Variants in TTC39C observed in about 807,000 individuals in gnomAD.
The protein encoded by TTC39C is tetratricopeptide repeat protein 39C.
In TTC39C, 33 loss-of-function variants were observed where a neutral mutation model predicts 76.3. The observed-to-expected ratio is 0.43, with a 90% CI of 0.33 to 0.58. The LOEUF is 0.58. Ranked by LOEUF, TTC39C falls within the 20% of genes least tolerant of loss-of-function variation. The pLI, the probability that TTC39C is intolerant of heterozygous loss-of-function variation, is 0.04. For synonymous variants in TTC39C, 254 were observed against 260.6 expected (o/e 0.97, Z 0.24); for missense variants, 595 against 701.4 (o/e 0.85, Z 1.71).
At chr18:23,995,829 C>T (rs142453881) in intron 1 of TTC39C, among the ~76,000 whole-genome samples, 343 of 152,256 alleles carry the variant, frequency 2.3e-3, no homozygotes, top group African/African-American at 7.9e-3. Context: ...ACAGTCACAC[C>T]ACTGCACTCA....
chr18:24,119,323 G>A (rs1328349000), intron 8 of TTC39C, among the ~76,000 whole-genome samples: 1 of 152,192 alleles, frequency 6.6e-6, no homozygotes, highest in Non-Finnish European at 1.5e-5. Flanking sequence ...TTTGTGTAAT[G>A]AACTCTCCTC....
At chr18:24,035,280 C>T (rs1159220291) in intron 1 of TTC39C, among the ~76,000 whole-genome samples, 3 of 152,150 alleles carry the variant, frequency 2.0e-5, no homozygotes, top group Non-Finnish European at 4.4e-5. Flanking sequence ...TCAAGGGATC[C>T]TCCCACCTTG....
intron 4 of TTC39C, among the ~76,000 whole-genome samples, chr18:24,080,091 C>T (rs545937118): frequency 4.6e-5 from 7 of 152,216 alleles, no homozygotes; most frequent in South Asian, 4.1e-4. Flanking sequence ...CATGAGCCAC[C>T]GCACCCAACC....
At chr18:24,045,889 G>GAAAAAAAAAAAAA (rs1193600114) in intron 1 of TTC39C, among the ~76,000 whole-genome samples, 24 of 56,344 alleles carry the variant, frequency 4.3e-4, no homozygotes, top group African/African-American at 1.6e-3. Flanking sequence ...TTCCTTCTGT[G>GAAAAAAAAAAAAA]AAAATATATA....
intron 4 of TTC39C, among the ~76,000 whole-genome samples, chr18:24,075,684 CA>C (rs371486318): frequency 0.025 from 1,599 of 64,184 alleles, 15 homozygotes; most frequent in African/African-American, 0.06. Flanking sequence ...GACCTTGTCT[CA>C]AAAAAAAAAA....
At chr18:24,110,230 T>G (rs1015379215) in intron 6 of TTC39C, among the ~76,000 whole-genome samples, 2 of 152,182 alleles carry the variant, frequency 1.3e-5, no homozygotes, top group African/African-American at 4.8e-5. Flanking sequence ...CAATCCAGAT[T>G]AAAAAGAAAA....
intron 1 of TTC39C, among the ~76,000 whole-genome samples, chr18:24,044,917 A>T (rs1447429097): frequency 6.6e-6 from 1 of 152,108 alleles, no homozygotes; most frequent in African/African-American, 2.4e-5. Flanking sequence ...AGACCTTGCT[A>T]GTCTAAGTGT....
chr18:24,026,608 A>C (rs1304945497), intron 1 of TTC39C, among the ~76,000 whole-genome samples: 1 of 152,174 alleles, frequency 6.6e-6, no homozygotes, highest in African/African-American at 2.4e-5. Context: ...ATGTTAGCTC[A>C]GCCTGTTTTA....
chr18:24,069,646 G>A (rs1027662645), intron 4 of TTC39C, among the ~76,000 whole-genome samples: 3 of 152,164 alleles, frequency 2.0e-5, no homozygotes, highest in Non-Finnish European at 4.4e-5. Flanking sequence ...TGTTATTAAG[G>A]CCTGAGTGGC....
intron 1 of TTC39C, among the ~76,000 whole-genome samples, chr18:24,045,790 A>G (rs2083861371): frequency 6.6e-6 from 1 of 151,090 alleles, no homozygotes; most frequent in African/African-American, 2.4e-5. Flanking sequence ...ATAAATGCTT[A>G]TTCATTGATA....
At chr18:24,045,908 TATATATATATATATATA>T (rs1195114269) in intron 1 of TTC39C, among the ~76,000 whole-genome samples, 539 of 38,324 alleles carry the variant, frequency 0.014, 16 homozygotes, top group East Asian at 0.073. Flanking sequence ...TATATATATA[TATATATATATATATATA>T]TATTTTTTTT....
intron 6 of TTC39C, among the ~76,000 whole-genome samples, chr18:24,096,929 G>T (rs1293476492): frequency 6.6e-6 from 1 of 152,204 alleles, no homozygotes; most frequent in Admixed American, 6.5e-5. Context: ...ATTTAACCAT[G>T]TCAGTGCAGT....
At chr18:24,116,200 A>G (rs2084889081) in intron 7 of TTC39C, among the ~76,000 whole-genome samples, 1 of 152,106 alleles carries the variant, frequency 6.6e-6, no homozygotes, top group Non-Finnish European at 1.5e-5. Flanking sequence ...TTCCATCTCT[A>G]TTTTGTATTT....
At position 24,014,966 on chromosome 18, in the gene TTC39C, T is replaced by A. The variant is rs891098967; in HGVS notation, c.95T>A (p.Leu32Gln). 1 of 1,530,060 alleles carries A rather than the reference T, an allele frequency of 6.5e-7. No homozygotes were observed. Among genetic ancestry groups the A allele is most frequent in the African/African-American group, 1.4e-5 (1 of 70,254 alleles). 94.8% of individuals were successfully genotyped at this position (1,530,060 alleles called of 1,614,324 possible). Residue 32 changes from leucine to glutamine, a missense_variant, in exon 1 of 14, where the codon CTG becomes CAG. Leu to Gln is a moderately radical substitution (Grantham distance 113). Coordinates refer to ENST00000317571, the MANE Select transcript of TTC39C (RefSeq NM_001135993.2). ...GCGGCGCCCCTGCAGGACGCGGAGCTGGCCCTGGCCGGCATCAACATGCTG... is the reference window on the plus strand; with the variant it reads ...GCGGCGCCCCTGCAGGACGCGGAGCAGGCCCTGGCCGGCATCAACATGCTG... ...AAAAPLQDAE[L>Q]ALAGINMLLN...
At chr18:24,000,295 A>G (rs1599221134) in intron 1 of TTC39C, 2 of 152,346 alleles carry the variant, frequency 1.3e-5, no homozygotes, top group East Asian at 3.9e-4. Context: ...AATCCAATAT[A>G]ACTGCAGTCC....
chr18:24,117,806 A>G (rs548942728), intron 7 of TTC39C, among the ~76,000 whole-genome samples: 3 of 151,642 alleles, frequency 2.0e-5, no homozygotes, highest in Admixed American at 2.0e-4. Flanking sequence ...GTACTCTTGG[A>G]GAAGTACTGC....
At chr18:24,011,102 G>A (rs556022262), upstream of TTC39C, among the ~76,000 whole-genome samples, 4 of 152,284 alleles carry the variant, frequency 2.6e-5, no homozygotes, top group South Asian at 4.2e-4. Flanking sequence ...GAAGACAAGG[G>A]TAGGGTATGT....
chr18:24,098,064 TA>T (rs2084612612), intron 6 of TTC39C, among the ~76,000 whole-genome samples: 2 of 152,192 alleles, frequency 1.3e-5, no homozygotes, highest in Non-Finnish European at 2.9e-5. Context: ...CTTTTAAATA[TA>T]TATTATATTA....
chr18:24,055,333 C>A (rs1041381553), intron 1 of TTC39C, among the ~76,000 whole-genome samples: 2 of 152,190 alleles, frequency 1.3e-5, no homozygotes, highest in Non-Finnish European at 2.9e-5. Context: ...AGTGGCTGCA[C>A]CACCTTATAC....
Sources: allele counts gnomAD v4.1 joint callset (sites outside exome capture counted in the v4.1 genomes callset), GRCh38; gene constraint gnomAD v4.1.1; transcripts MANE v1.5; gene names NCBI Gene and HGNC (gene_info 2026-07-23, HGNC 2026-07-21).